PTCHD4: variants seen among roughly 807,000 people sequenced by gnomAD.
PTCHD4 encodes the protein patched domain containing 4.
PTCHD4 carries 33 observed loss-of-function variants against 58.1 expected under a neutral mutation model. The observed-to-expected ratio is 0.57, with a 90% confidence interval of 0.43 to 0.76. PTCHD4 has a LOEUF of 0.76. Among genes scored for constraint, PTCHD4 ranks in the 30% least tolerant of loss-of-function variants. PTCHD4 has a pLI of 0.00. For missense variants in PTCHD4, 1,058 were observed against 1,027.1 expected, an observed-to-expected ratio of 1.03 and a Z score of -0.41; for synonymous variants, 478 against 409.6, an observed-to-expected ratio of 1.17 and a Z score of -2.02.
intron 3 of PTCHD4, among the ~76,000 whole-genome samples, chr6:48,042,239 G>A (rs542006595): frequency 3.0e-4 from 45 of 151,966 alleles, no homozygotes; most frequent in African/African-American, 1.0e-3. Flanking sequence ...ATTATTAATC[G>A]AAATCCAAGC....
intron 4 of PTCHD4, among the ~76,000 whole-genome samples, chr6:47,996,994 C>T (rs962811685): frequency 4.6e-5 from 7 of 152,188 alleles, no homozygotes; most frequent in Middle Eastern, 3.2e-3. Flanking sequence ...TTATTTGCCC[C>T]GCATTGTGGC....
At position 48,079,970 on chromosome 6, in the gene PTCHD4, A is replaced by ATTT. The variant is rs141629864; in HGVS notation, c.-969-10047_-969-10045dup. The stretch of plus-strand genomic sequence containing the variant: ...ATTCAAAACCCTGCCCCTTATGATG[A>ATTT]TTTTTTTTTTTTTTTTTTTTTTTTT... On this transcript the variant is annotated intron_variant, in intron 1 of 4. Transcript: ENST00000339488. 6.9e-3 allele frequency among the ~76,000 whole-genome samples: 522 copies of ATTT among 76,064 alleles called. 63 individuals are homozygous for ATTT. Among genetic ancestry groups the ATTT allele is most frequent in the African/African-American group, 9.4e-3 (198 of 21,002 alleles). 49.9% of individuals were successfully genotyped at this position (76,064 alleles called of 152,430 possible).
Position 47,878,762 on chromosome 6 carries a change from T to C in PTCHD4, c.2073A>G (p.Ser691=). 1 of 1,613,524 alleles carries C rather than the reference T, an allele frequency of 6.2e-7. No individual in the cohort carries two copies. The highest frequency in any genetic ancestry group is 8.5e-7 in the Non-Finnish European group (1 of 1,179,736). ...TTAAGCCCAGAACGCCCAGCTCAAT[T>C]GAGGTGACGCTAAGAATTAGCCAGA... ...GNFWLILSVT[S]IELGVLGLMT... The change falls in exon 5 of 5, where the codon TCA becomes TCG. Residue 691 remains serine, a synonymous_variant. Transcript: ENST00000339488.
chr6:48,030,694 C>T (rs1763402037), intron 3 of PTCHD4, among the ~76,000 whole-genome samples: 1 of 152,120 alleles, frequency 6.6e-6, no homozygotes, highest in Non-Finnish European at 1.5e-5. Context: ...CACTGCCATC[C>T]TCACTCCATC....
chr6:47,934,325 C>T (rs1006427816), intron 4 of PTCHD4, among the ~76,000 whole-genome samples: 1 of 152,146 alleles, frequency 6.6e-6, no homozygotes, highest in Non-Finnish European at 1.5e-5. Context: ...GTCTTATTCA[C>T]CACTCAAATT....
At chr6:48,033,799 C>A (rs1763533718) in intron 3 of PTCHD4, among the ~76,000 whole-genome samples, 1 of 152,006 alleles carries the variant, frequency 6.6e-6, no homozygotes, top group Admixed American at 6.6e-5. Flanking sequence ...TCTCAAACAT[C>A]TTTTCCATTG....
chr6:47,900,790 A>G (rs1370588804), intron 4 of PTCHD4: 1 of 152,076 alleles, frequency 6.6e-6, no homozygotes, highest in Non-Finnish European at 1.5e-5. Context: ...GCGGTTTTTG[A>G]CCTTAATTCT....
chr6:47,930,625 T>A (rs1021587164), intron 4 of PTCHD4, among the ~76,000 whole-genome samples: 16 of 152,302 alleles, frequency 1.1e-4, no homozygotes, highest in African/African-American at 3.8e-4. Flanking sequence ...TACACAGAGT[T>A]CTATGAAAAT....
intron 4 of PTCHD4, among the ~76,000 whole-genome samples, chr6:47,998,940 G>A (rs1426985872): frequency 3.3e-5 from 5 of 152,138 alleles, no homozygotes; most frequent in Non-Finnish European, 7.4e-5. Flanking sequence ...ACAACCAAAA[G>A]TTAAGACTTT....
chr6:47,928,387 T>TG (rs1204912060), intron 4 of PTCHD4, among the ~76,000 whole-genome samples: 2 of 152,182 alleles, frequency 1.3e-5, no homozygotes, highest in African/African-American at 4.8e-5. Context: ...TATGTTATAG[T>TG]GGATCAAAGG....
At chr6:48,050,201 G>A (rs1764181226) in intron 3 of PTCHD4, among the ~76,000 whole-genome samples, 1 of 151,890 alleles carries the variant, frequency 6.6e-6, no homozygotes, top group Non-Finnish European at 1.5e-5. Flanking sequence ...AGTCTTCCAA[G>A]AAAAGTGGCA....
At chr6:47,921,956 A>AAAAAAAG (rs1352615678) in intron 4 of PTCHD4, among the ~76,000 whole-genome samples, 29 of 147,048 alleles carry the variant, frequency 2.0e-4, no homozygotes, top group Admixed American at 4.7e-4. Context: ...AAAAAAAAAA[A>AAAAAAAG]AAAAGAAAAG....
chr6:48,052,909 A>G (rs529976416), intron 3 of PTCHD4, among the ~76,000 whole-genome samples: 1 of 152,224 alleles, frequency 6.6e-6, no homozygotes, highest in South Asian at 2.1e-4. Context: ...GGAGTAAATG[A>G]TTTGTGAACC....
chr6:47,969,725 G>T (rs1192788892), intron 4 of PTCHD4, among the ~76,000 whole-genome samples: 1 of 151,992 alleles, frequency 6.6e-6, no homozygotes, highest in Non-Finnish European at 1.5e-5. Context: ...CCTCAAGCTG[G>T]CATAAATAAA....
rs959712800 is a variant in PTCHD4 at position 47,912,378 on chromosome 6, G to A, written c.899-32442C>T. ...AATTCTGGGCCAGAAGTTCTCAGTT[G>A]GACAGGTTATGACATTTTGAGTAGG... is the stretch of plus-strand genomic sequence containing the variant. On this transcript the variant is annotated intron_variant, in intron 4 of 4. Coordinates refer to ENST00000339488, the MANE Select transcript of PTCHD4 (RefSeq NM_001384253.1). Among the ~76,000 whole-genome samples the A allele has an allele frequency of 2.6e-5, 4 of 151,440 alleles. No individual in the cohort carries two copies. In the South Asian group the frequency reaches 6.3e-4, roughly 24 times the overall value.
chr6:47,952,849 T>G (rs1290321709), intron 4 of PTCHD4, among the ~76,000 whole-genome samples: 1 of 152,096 alleles, frequency 6.6e-6, no homozygotes, highest in Non-Finnish European at 1.5e-5. Flanking sequence ...AGAACATTTC[T>G]CTGTCATTAG....
chr6:47,863,807 C>A lies in PTCHD4; in HGVS notation c.*14496G>T, dbSNP rs567116226. On this transcript the variant is annotated 3_prime_UTR_variant, in exon 5 of 5. Transcript: ENST00000339488. ...TAAATTTTCTTCATGAAAAGACTGT[C>A]CAGAGCAACTTATTACAAATAGAGA... Among the ~76,000 whole-genome samples the A allele has an allele frequency of 1.3e-4, 20 of 152,056 alleles. No homozygotes were observed. In the East Asian group the frequency reaches 3.9e-3, roughly 30 times the overall value.
At chr6:48,066,166 G>C (rs1476052328) in intron 3 of PTCHD4, among the ~76,000 whole-genome samples, 9 of 151,708 alleles carry the variant, frequency 5.9e-5, no homozygotes, top group African/African-American at 2.2e-4. Context: ...CCTCACGAGA[G>C]TGAGAACTTT....
At chr6:48,050,581 T>C (rs139566078) in intron 3 of PTCHD4, among the ~76,000 whole-genome samples, 4 of 152,118 alleles carry the variant, frequency 2.6e-5, no homozygotes, top group East Asian at 3.9e-4. Context: ...GAGAATAATA[T>C]AGTGCTCTAA....
Sources: allele counts gnomAD v4.1 joint callset (sites outside exome capture counted in the v4.1 genomes callset), GRCh38; gene constraint gnomAD v4.1.1; transcripts MANE v1.5; gene names NCBI Gene and HGNC (gene_info 2026-07-23, HGNC 2026-07-21).